The following TTC7B variants were observed in gnomAD, a reference collection of about 807,000 sequenced individuals.
TTC7B encodes the protein tetratricopeptide repeat domain 7B.
A neutral mutation model predicts 106.8 loss-of-function variants in TTC7B; 28 were observed. That is an observed-to-expected ratio of 0.26 (90% CI 0.19 to 0.36). The LOEUF (loss-of-function observed/expected upper bound fraction) is 0.36, where lower values mean the gene tolerates loss of function less well. Ranked by LOEUF, TTC7B falls within the 10% of genes least tolerant of loss-of-function variation. The probability of loss-of-function intolerance (pLI) is 1.00; values close to 1 mark genes in which losing one functional copy is unlikely to be tolerated. For synonymous variants in TTC7B, 405 were observed against 430.6 expected (o/e 0.94, Z 0.74); for missense variants, 862 against 1,076.4 (o/e 0.80, Z 2.79).
chr14:90,626,664 A>T (rs1026348278), intron 15 of TTC7B, among the ~76,000 whole-genome samples: 2 of 152,220 alleles, frequency 1.3e-5, no homozygotes, highest in Non-Finnish European at 2.9e-5. Context: ...TGAAACGTGC[A>T]CTGGCCTGAC....
rs1891860268 is a variant in TTC7B at position 90,589,403 on chromosome 14, C to T, written c.2107+4083G>A. The stretch of plus-strand genomic sequence containing the variant: ...CCTGTGTATTTTAAATTATCCTATG[C>T]ACATCCTCCTGTGTGTTTTAAATCA... On this transcript the variant is annotated intron_variant, in intron 18 of 19. Coordinates refer to ENST00000328459, the MANE Select transcript of TTC7B (RefSeq NM_001010854.2). 2.6e-5 allele frequency among the ~76,000 whole-genome samples: 4 copies of T among 152,334 alleles called. No individual in the cohort carries two copies. In the South Asian group the frequency reaches 8.3e-4, roughly 32 times the overall value.
intron 4 of TTC7B, among the ~76,000 whole-genome samples, chr14:90,741,553 T>C (rs4904724): frequency 0.97 from 147,121 of 152,266 alleles, 71,226 homozygotes; most frequent in Non-Finnish European, 1. Flanking sequence ...GATCCCAAAA[T>C]AAAGCCCTAT....
chr14:90,558,314 G>A (rs1890411685), intron 19 of TTC7B, among the ~76,000 whole-genome samples: 1 of 152,250 alleles, frequency 6.6e-6, no homozygotes, highest in Non-Finnish European at 1.5e-5. Flanking sequence ...ACAGCTGCCA[G>A]GACGACCCCA....
chr14:90,570,563 G>A lies in TTC7B; in HGVS notation c.2310+7543C>T, dbSNP rs1319100596. Among the ~76,000 whole-genome samples the A allele has an allele frequency of 6.6e-6, 1 of 152,102 alleles. No individual in the cohort carries two copies. The highest frequency in any genetic ancestry group is 1.5e-5 in the Non-Finnish European group (1 of 68,014). On this transcript the variant is annotated intron_variant, in intron 19 of 19. Transcript: ENST00000328459. This position sits in a 1 kb window ranked among gnomAD's most constrained non-coding sequence, Gnocchi z 4.0. ...CAGGCAGCAAGTCACACTCAAAAGC[G>A]AAGCATCGTGCTCGCGGCCGACCAC...
intron 9 of TTC7B, among the ~76,000 whole-genome samples, chr14:90,661,550 C>T (rs1330937720): frequency 6.6e-6 from 1 of 151,758 alleles, no homozygotes; most frequent in Admixed American, 6.6e-5. Context: ...GGATGAGGGA[C>T]GATGGAGGAG....
intron 18 of TTC7B, among the ~76,000 whole-genome samples, chr14:90,586,160 G>A (rs1042250541): frequency 2.1e-4 from 32 of 152,300 alleles, no homozygotes; most frequent in Admixed American, 7.2e-4. Context: ...CGCCTTCACC[G>A]CATGGGCTCC....
intron 15 of TTC7B, among the ~76,000 whole-genome samples, chr14:90,639,474 TA>T (rs1219280801): frequency 1.3e-5 from 2 of 152,168 alleles, no homozygotes; most frequent in Non-Finnish European, 2.9e-5. Flanking sequence ...ATGCGCAACT[TA>T]AACTCACAAG....
At position 90,577,457 on chromosome 14, in the gene TTC7B, G is replaced by A. The variant is rs1348919004; in HGVS notation, c.2310+649C>T. Among the ~76,000 whole-genome samples the A allele has an allele frequency of 6.6e-6, 1 of 152,218 alleles. No individual in the cohort carries two copies. The highest frequency in any genetic ancestry group is 1.5e-5 in the Non-Finnish European group (1 of 68,038). ...TCAAGAATGATCCATGGCAAGGGGT[G>A]GGAGCAGCAGGGCAACCCCAGGCTT... On this transcript the variant is annotated intron_variant, in intron 19 of 19. Transcript: ENST00000328459. This position sits in a 1 kb window ranked among gnomAD's most constrained non-coding sequence, Gnocchi z 5.0.
At chr14:90,711,597 TTC>T (rs1888449941) in intron 5 of TTC7B, among the ~76,000 whole-genome samples, 1 of 152,164 alleles carries the variant, frequency 6.6e-6, no homozygotes, top group Non-Finnish European at 1.5e-5. Context: ...AACTTTTGTA[TTC>T]TTAGTGAAGA....
intron 15 of TTC7B, among the ~76,000 whole-genome samples, chr14:90,635,799 A>G (rs1241880926): frequency 6.7e-6 from 1 of 149,404 alleles, no homozygotes; most frequent in Non-Finnish European, 1.5e-5. Context: ...TAATAAGCAG[A>G]AGAGTACATC....
Position 90,578,260 on chromosome 14 carries a change from G to C in TTC7B, c.2156C>G (p.Thr719Ser), listed in dbSNP as rs775739641. The change falls in exon 19 of 20, where the codon ACC becomes AGC. Residue 719 changes from threonine (T) to serine (S), a missense_variant. Thr to Ser is a moderately conservative substitution (Grantham distance 58, BLOSUM62 1). Transcript: ENST00000328459. The surrounding 1 kb of genome is among the most constrained non-coding windows in gnomAD (Gnocchi z 4.7). The part of the protein sequence containing the change: ...IGKPAEATAC[T>S]QEAANLFPMS... ...TGGGAAGAGGTTGGCAGCTTCTTGG[G>C]TACAGGCTGTGGCTTCTGCAGGCTT... is the stretch of plus-strand genomic sequence containing the variant. The C allele has an allele frequency of 9.3e-6, 15 of 1,614,206 alleles. No homozygotes were observed. The highest frequency in any genetic ancestry group is 1.3e-5 in the Non-Finnish European group (15 of 1,180,050).
intron 3 of TTC7B, among the ~76,000 whole-genome samples, chr14:90,775,334 C>A (rs1235660144): frequency 2.6e-5 from 4 of 152,122 alleles, no homozygotes; most frequent in Non-Finnish European, 4.4e-5. Context: ...CCTGCACAAC[C>A]CTGTAAGGTA....
At chr14:90,582,178 T>C (rs1488233049) in intron 18 of TTC7B, among the ~76,000 whole-genome samples, 1 of 152,220 alleles carries the variant, frequency 6.6e-6, no homozygotes, top group Admixed American at 6.5e-5. Flanking sequence ...TACAAAAGAC[T>C]CCTGAGAGTG....
chr14:90,580,408 G>A (rs1891440808), intron 18 of TTC7B, among the ~76,000 whole-genome samples: 1 of 152,320 alleles, frequency 6.6e-6, no homozygotes, highest in Admixed American at 6.5e-5. Context: ...CCCTGCCCAA[G>A]TTCTCAGGGC....
rs576202139 is a variant in TTC7B, at chr14:90,742,334, C to G, written c.576+2458G>C. Among the ~76,000 whole-genome samples, 19 of 151,068 alleles carry G rather than the reference C, an allele frequency of 1.3e-4. No individual in the cohort carries two copies. Among genetic ancestry groups the G allele is most frequent in the African/African-American group, 4.6e-4 (19 of 41,104 alleles). ...TTTCTCTTTCTCTTTCTCTCTCTCT[C>G]TCTTTCTCTCTTCCTTTCTTTCTTC... is the stretch of plus-strand genomic sequence containing the variant. On this transcript the variant is annotated intron_variant, in intron 4 of 19. Coordinates refer to ENST00000328459, the MANE Select transcript of TTC7B (RefSeq NM_001010854.2). The surrounding 1 kb of genome is among the most constrained non-coding windows in gnomAD (Gnocchi z 4.1).
rs139790452 is a variant in TTC7B at position 90,689,844 on chromosome 14, T to C, written c.778-132A>G. ...TGCAAGGCTCATAATTAAAAATTTT[T>C]CCTTTACGATGGTAATCATACCAGT... is the stretch of plus-strand genomic sequence containing the variant. On this transcript the variant is annotated intron_variant, in intron 6 of 19. Transcript: ENST00000328459. The C allele has an allele frequency of 5.4e-5, 56 of 1,033,828 alleles. No individual in the cohort carries two copies. In the African/African-American group the frequency reaches 8.6e-4, roughly 16 times the overall value. 64.0% of individuals were successfully genotyped at this position (1,033,828 alleles called of 1,614,324 possible).
At chr14:90,716,290 T>C (rs1219076944) in intron 5 of TTC7B, among the ~76,000 whole-genome samples, 1 of 152,228 alleles carries the variant, frequency 6.6e-6, no homozygotes, top group Non-Finnish European at 1.5e-5. Flanking sequence ...TGGGGGATGG[T>C]AGTGGCTGAG....
intron 19 of TTC7B, among the ~76,000 whole-genome samples, chr14:90,552,771 GCCGGACACCTTTT>G (rs1890141608): frequency 6.6e-6 from 1 of 152,348 alleles, no homozygotes; most frequent in Non-Finnish European, 1.5e-5. Flanking sequence ...TGGCCCCCAG[GCCGGACACCTTTT>G]CCCTTGGGCC....
chr14:90,716,411 A>G (rs1888657776), intron 5 of TTC7B, among the ~76,000 whole-genome samples: 1 of 152,210 alleles, frequency 6.6e-6, no homozygotes, highest in Non-Finnish European at 1.5e-5. Context: ...AAGTGTACAG[A>G]TGGGCCTAGC....
Sources: allele counts gnomAD v4.1 joint callset (sites outside exome capture counted in the v4.1 genomes callset), GRCh38; gene constraint gnomAD v4.1.1; non-coding constraint Gnocchi (gnomAD v3.1); transcripts MANE v1.5; gene names NCBI Gene and HGNC (gene_info 2026-07-23, HGNC 2026-07-21).